UBE2D4: variants seen among roughly 807,000 people sequenced by gnomAD.
UBE2D4 encodes the protein ubiquitin-conjugating enzyme E2 D4.
A neutral mutation model predicts 23.0 loss-of-function variants in UBE2D4; 17 were observed. The ratio of observed to expected loss-of-function variants is 0.74; its 90% CI spans 0.51 to 1.11. The LOEUF (loss-of-function observed/expected upper bound fraction) is 1.11, where lower values mean the gene tolerates loss of function less well. Among genes scored for constraint, UBE2D4 ranks in the 50% least tolerant of loss-of-function variants. The probability of loss-of-function intolerance (pLI) is 0.00; values close to 1 mark genes in which losing one functional copy is unlikely to be tolerated. For synonymous variants in UBE2D4, 61 were observed against 69.4 expected, an observed-to-expected ratio of 0.88 and a Z score of 0.60; for missense variants, 139 against 181.8, an observed-to-expected ratio of 0.76 and a Z score of 1.35.
intron 1 of UBE2D4, among the ~76,000 whole-genome samples, chr7:43,929,910 T>A (rs2095941802): frequency 6.6e-6 from 1 of 152,160 alleles, no homozygotes; most frequent in Admixed American, 6.5e-5. Context: ...AGTTAGGATG[T>A]CTTGGCTGCA....
At chr7:43,950,736 G>A in intron 6 of UBE2D4, 44 bp downstream of exon 6, 5 of 1,510,506 alleles carry the variant, frequency 3.3e-6, no homozygotes, top group Non-Finnish European at 4.6e-6. Flanking sequence ...GGCTGCCCCA[G>A]GCAGCTCCAT....
rs2527812 is a variant in UBE2D4 at position 43,944,438 on chromosome 7, A to G, written c.198+1407A>G. Reference sequence around the variant, plus strand: ...TTAGCTGAGGGGTTGTGATATTGCTATGTCTTACTACCTTGACTTGGCCTT... The same window carrying G: ...TTAGCTGAGGGGTTGTGATATTGCTGTGTCTTACTACCTTGACTTGGCCTT... On this transcript the variant is annotated intron_variant, in intron 4 of 6. Coordinates refer to ENST00000222402, the MANE Select transcript of UBE2D4 (RefSeq NM_015983.4). The surrounding 1 kb of genome is among the most constrained non-coding windows in gnomAD (Gnocchi z 4.0). The G allele has an allele frequency of 0.7, 105,869 of 152,010 alleles. 36,922 individuals are homozygous for G. Among genetic ancestry groups the G allele is most frequent in the African/African-American group, 0.76 (31,477 of 41,466 alleles). The allele number at this position is 152,010 out of a possible 1,614,324, so 9.4% of individuals were successfully genotyped here.
At chr7:43,948,907 C>T (rs759301771) in intron 5 of UBE2D4, 170 bp downstream of exon 5, 2 of 578,142 alleles carry the variant, frequency 3.5e-6, no homozygotes, top group Non-Finnish European at 6.3e-6. Context: ...CGAGGCAGCA[C>T]CAGCAGAACT....
intron 1 of UBE2D4, among the ~76,000 whole-genome samples, chr7:43,933,025 T>C (rs892565512): frequency 3.0e-4 from 37 of 125,190 alleles, no homozygotes; most frequent in South Asian, 5.7e-4. Flanking sequence ...CACACACATA[T>C]ATATACACAT....
chr7:43,937,740 A>G (rs999778143), intron 1 of UBE2D4, among the ~76,000 whole-genome samples: 2 of 152,216 alleles, frequency 1.3e-5, no homozygotes, highest in African/African-American at 4.8e-5. Flanking sequence ...ATATGGTGAA[A>G]TCAGGAGAGT....
chr7:43,951,755 T>C (rs1428592096), intron 6 of UBE2D4, among the ~76,000 whole-genome samples: 1 of 152,150 alleles, frequency 6.6e-6, no homozygotes, highest in Non-Finnish European at 1.5e-5. Flanking sequence ...ACTCCTGGAC[T>C]CGAGCAATCT....
intron 2 of UBE2D4, 63 bp downstream of exon 2, chr7:43,938,557 C>A: frequency 6.5e-7 from 1 of 1,532,002 alleles, no homozygotes; most frequent in Non-Finnish European, 9.0e-7. Context: ...CAACTTAGGC[C>A]AGGTGCGGTG....
intron 6 of UBE2D4, 105 bp downstream of exon 6, chr7:43,950,797 C>A: frequency 3.3e-6 from 3 of 896,746 alleles, no homozygotes; most frequent in Non-Finnish European, 5.4e-6. Context: ...TTCCCACAGA[C>A]ATCTTCCTGC....
chr7:43,941,057 C>A (rs2095971000), intron 2 of UBE2D4: 1 of 152,200 alleles, frequency 6.6e-6, no homozygotes, highest in African/African-American at 2.4e-5. Context: ...TGCACTTGTG[C>A]TCCCACCCCA....
At chr7:43,946,781 C>T (rs921353422) in intron 4 of UBE2D4, among the ~76,000 whole-genome samples, 1 of 150,048 alleles carries the variant, frequency 6.7e-6, no homozygotes, top group African/African-American at 2.4e-5. Context: ...TATTTTAGGG[C>T]TAAATTCTGA....
At chr7:43,947,078 T>C (rs968917783) in intron 4 of UBE2D4, 1 of 151,844 alleles carries the variant, frequency 6.6e-6, no homozygotes, top group Non-Finnish European at 1.5e-5. Context: ...CCGCCCTGTG[T>C]CCCTGTGTTC....
Position 43,937,616 on chromosome 7 carries a change from G to T in UBE2D4, c.25-815G>T, listed in dbSNP as rs190081437. On this transcript the variant is annotated intron_variant, in intron 1 of 6. Coordinates refer to ENST00000222402, the MANE Select transcript of UBE2D4 (RefSeq NM_015983.4). ...AACATGGCCCTGATTTGTAGCATTT[G>T]CTGGCTTCTGTGATGTTAATACTTC... 7.9e-5 allele frequency among the ~76,000 whole-genome samples: 12 copies of T among 152,322 alleles called. No homozygotes were observed. In the East Asian group the frequency reaches 2.1e-3, roughly 27 times the overall value.
intron 2 of UBE2D4, among the ~76,000 whole-genome samples, chr7:43,939,563 G>A (rs1310762065): frequency 1.3e-5 from 2 of 152,250 alleles, no homozygotes; most frequent in East Asian, 1.9e-4. Flanking sequence ...TTCAAGGAGA[G>A]TGGTGTCAGA....
At chr7:43,946,792 G>GA (rs2095988224) in intron 4 of UBE2D4, among the ~76,000 whole-genome samples, 1 of 148,980 alleles carries the variant, frequency 6.7e-6, no homozygotes, top group African/African-American at 2.4e-5. Context: ...TAAATTCTGA[G>GA]AAGGGGGGGT....
At chr7:43,927,131 A>G (rs1189867234) in intron 1 of UBE2D4, among the ~76,000 whole-genome samples, 2 of 152,192 alleles carry the variant, frequency 1.3e-5, no homozygotes, top group African/African-American at 4.8e-5. Context: ...AAAACGCACA[A>G]CAGTAGAAGA....
At chr7:43,951,857 C>A (rs2096003214) in intron 6 of UBE2D4, 1 of 152,154 alleles carries the variant, frequency 6.6e-6, no homozygotes, top group Non-Finnish European at 1.5e-5. Flanking sequence ...TTCTTAAGAC[C>A]TTTATAGATC....
chr7:43,950,303 G>T (rs1184929530), intron 5 of UBE2D4, among the ~76,000 whole-genome samples: 2 of 152,058 alleles, frequency 1.3e-5, no homozygotes, highest in East Asian at 3.9e-4. Flanking sequence ...GTACAGACAA[G>T]GATGGGAGGG....
At chr7:43,942,606 G>A (rs2095975624) in intron 2 of UBE2D4, 1 of 628,504 alleles carries the variant, frequency 1.6e-6, no homozygotes, top group Non-Finnish European at 2.8e-6. Flanking sequence ...GTTTCCCTGT[G>A]ATAACCAGCA....
intron 1 of UBE2D4, among the ~76,000 whole-genome samples, chr7:43,928,944 C>G (rs2095939499): frequency 6.6e-6 from 1 of 152,194 alleles, no homozygotes; most frequent in African/African-American, 2.4e-5. Flanking sequence ...GAAATGTCAA[C>G]TATAGATCCA....
Sources: gnomAD v4.1 joint callset for allele counts (sites outside exome capture counted in the v4.1 genomes callset) on GRCh38, gnomAD v4.1.1 for gene constraint, Gnocchi (gnomAD v3.1) non-coding constraint, MANE v1.5 for transcripts, NCBI Gene and HGNC (gene_info 2026-07-23, HGNC 2026-07-21) for gene names.